Variants in EPB41L1 observed in about 807,000 individuals in gnomAD.
The protein encoded by EPB41L1 is band 4.1-like protein 1.
A neutral mutation model predicts 97.8 loss-of-function variants in EPB41L1; 29 were observed. The observed-to-expected ratio is 0.30, with a 90% confidence interval of 0.22 to 0.40. The LOEUF (loss-of-function observed/expected upper bound fraction) is 0.40. Among genes scored for constraint, EPB41L1 ranks in the 10% least tolerant of loss-of-function variants. EPB41L1 has a pLI of 1.00. For synonymous variants in EPB41L1, 383 were observed against 459.2 expected, an observed-to-expected ratio of 0.83 and a Z score of 2.12; for missense variants, 812 against 1,162.3, an observed-to-expected ratio of 0.70 and a Z score of 4.38.
chr20:36,098,672 T>C (rs1254620371), intron 1 of EPB41L1, among the ~76,000 whole-genome samples: 3 of 152,232 alleles, frequency 2.0e-5, no homozygotes. Flanking sequence ...TGTTTCCAAA[T>C]ATGGTCACAT....
chr20:36,155,747 G>A (rs1600644098), intron 1 of EPB41L1: 1 of 426,214 alleles, frequency 2.3e-6, no homozygotes, highest in East Asian at 7.1e-5. Context: ...TCGGAGCTCT[G>A]AGGATGCATT....
intron 21 of EPB41L1, among the ~76,000 whole-genome samples, chr20:36,227,282 A>C (rs2064218330): frequency 6.6e-6 from 1 of 152,124 alleles, no homozygotes; most frequent in Non-Finnish European, 1.5e-5. Flanking sequence ...GCGCCACTGC[A>C]CTCCAGCCTG....
intron 3 of EPB41L1, 52 bp downstream of exon 3, chr20:36,175,767 G>A: frequency 5.6e-6 from 9 of 1,602,292 alleles, no homozygotes; most frequent in Non-Finnish European, 7.7e-6. Context: ...CCAGCCTCAG[G>A]TCCAGGGCAG....
intron 2 of EPB41L1, among the ~76,000 whole-genome samples, chr20:36,141,522 A>C (rs967799128): frequency 3.3e-5 from 5 of 152,198 alleles, no homozygotes; most frequent in African/African-American, 4.8e-5. Flanking sequence ...AGCAAAGTTC[A>C]AAGCCAGAGA....
intron 1 of EPB41L1, among the ~76,000 whole-genome samples, chr20:36,096,093 G>A (rs2057822642): frequency 6.6e-6 from 1 of 152,032 alleles, no homozygotes; most frequent in Non-Finnish European, 1.5e-5. Context: ...TGATAACTCT[G>A]GAGGTGTGGC....
chr20:36,209,516 AG>A lies in EPB41L1; in HGVS notation c.1698del (p.Val568SerfsTer27). On this transcript the variant is annotated frameshift_variant, in exon 15 of 22. Coordinates refer to ENST00000338074, the MANE Select transcript of EPB41L1 (RefSeq NM_012156.2). The surrounding 1 kb of genome is among the most constrained non-coding windows in gnomAD (Gnocchi z 4.2). ...GCAGGGCTGAGGGAGGGCTCCGAGGAGAAAGTCAAACCACCACGTCCCCGGG... is the reference window on the plus strand; with the variant it reads ...GCAGGGCTGAGGGAGGGCTCCGAGGAAAAGTCAAACCACCACGTCCCCGGG... ...ERAGLREGSE[E>X]KVKPPRPRAP... is the part of the protein sequence containing the mutation. 1 of 1,613,932 alleles carries A rather than the reference AG, an allele frequency of 6.2e-7. No homozygotes were observed. The highest frequency in any genetic ancestry group is 8.5e-7 in the Non-Finnish European group (1 of 1,179,966).
intron 2 of EPB41L1, chr20:36,125,499 G>C (rs756224103): frequency 1.2e-4 from 177 of 1,445,600 alleles, no homozygotes; most frequent in Non-Finnish European, 1.6e-4. Flanking sequence ...TTAGCAGAGA[G>C]CCTAGCACCT....
At chr20:36,113,527 G>A (rs976685748) in intron 2 of EPB41L1, among the ~76,000 whole-genome samples, 2 of 150,336 alleles carry the variant, frequency 1.3e-5, no homozygotes, top group Non-Finnish European at 3.0e-5. Flanking sequence ...GCTGGGACAG[G>A]TAGAATGAAT....
chr20:36,203,984 C>G (rs1227986186), intron 14 of EPB41L1, among the ~76,000 whole-genome samples: 3 of 152,144 alleles, frequency 2.0e-5, no homozygotes, highest in Non-Finnish European at 4.4e-5. Flanking sequence ...TGAAAAGGAG[C>G]CCAAGGTCAT....
At chr20:36,171,310 G>T (rs1357578967) in intron 1 of EPB41L1, among the ~76,000 whole-genome samples, 2 of 152,152 alleles carry the variant, frequency 1.3e-5, no homozygotes. Flanking sequence ...CCCTAGAGCA[G>T]CTCTCATTGC....
rs1393816922 is a variant in EPB41L1 at position 36,232,734 on chromosome 20, T to G, written c.*3394T>G. The stretch of plus-strand genomic sequence containing the variant: ...CCCCACCTCAGTGCTCCGTGCTGTA[T>G]GCGTGTGCTCTCTGTTCTTGTATAC... On this transcript the variant is annotated 3_prime_UTR_variant, in exon 22 of 22. Transcript: ENST00000338074. The G allele has an allele frequency of 2.5e-6, 1 of 399,054 alleles. No individual in the cohort carries two copies. Among genetic ancestry groups the G allele is most frequent in the Non-Finnish European group, 4.4e-6 (1 of 226,154 alleles). 24.7% of individuals were successfully genotyped at this position (399,054 alleles called of 1,614,324 possible).
rs1438641043 is a variant in EPB41L1, at chr20:36,092,348, C to T, written c.-65+736C>T. Among the ~76,000 whole-genome samples, 1 of 152,168 alleles carries T rather than the reference C, an allele frequency of 6.6e-6. No individual in the cohort carries two copies. Among genetic ancestry groups the T allele is most frequent in the African/African-American group, 2.4e-5 (1 of 41,454 alleles). ...GGTCTGCTCCTCTTCTTCGCCCGGC[C>T]TCTGAGCCCGCCGCAGCTCAGGTTG... On this transcript the variant is annotated intron_variant, in intron 1 of 19. Coordinates refer to the EPB41L1 transcript ENST00000202028. The surrounding 1 kb of genome is among the most constrained non-coding windows in gnomAD (Gnocchi z 7.0).
At chr20:36,091,508 AT>A (rs2057666450) in exon 1 of EPB41L1, 1 of 152,236 alleles carries the variant, frequency 6.6e-6, no homozygotes, top group African/African-American at 2.4e-5. Flanking sequence ...AAGAACCAGA[AT>A]TGTTGGGCTT....
At chr20:36,145,501 G>T (rs1478490678) in intron 2 of EPB41L1, among the ~76,000 whole-genome samples, 2 of 151,848 alleles carry the variant, frequency 1.3e-5, no homozygotes, top group Non-Finnish European at 2.9e-5. Context: ...AGAGGGAAAA[G>T]AAGTGGTGAC....
At chr20:36,200,629 T>G (rs942314951) in intron 14 of EPB41L1, among the ~76,000 whole-genome samples, 13 of 152,336 alleles carry the variant, frequency 8.5e-5, no homozygotes, top group Admixed American at 7.2e-4. Flanking sequence ...TGGGGCTGAC[T>G]GTGGGCCTCC....
At chr20:36,172,899 G>A (rs981551197) in intron 1 of EPB41L1, among the ~76,000 whole-genome samples, 1 of 152,128 alleles carries the variant, frequency 6.6e-6, no homozygotes, top group Non-Finnish European at 1.5e-5. Flanking sequence ...CGCGCCTGGC[G>A]TGTTTTGTTT....
At chr20:36,204,774 T>C (rs2062709002) in intron 14 of EPB41L1, among the ~76,000 whole-genome samples, 1 of 152,104 alleles carries the variant, frequency 6.6e-6, no homozygotes. Context: ...CCCAAGTAGC[T>C]GGGATTACAG....
rs77396561 is a variant in EPB41L1, at chr20:36,190,742, C to T, written c.1245C>T (p.Pro415=). The T allele has an allele frequency of 1.1e-3, 1,814 of 1,614,218 alleles. 5 individuals are homozygous for T. The Middle Eastern group carries it at 0.013, about 12-fold the overall frequency. ...GCGCCCTCATTGACCGGCCTGCACC[C>T]TTCTTTGAGCGTTCTTCCAGCAAAC... ...QASALIDRPA[P]FFERSSSKRY... The change falls in exon 11 of 22, where the codon CCC becomes CCT. Residue 415 remains proline (P), a synonymous_variant. Coordinates refer to ENST00000338074, the MANE Select transcript of EPB41L1 (RefSeq NM_012156.2). The surrounding 1 kb of genome is among the most constrained non-coding windows in gnomAD (Gnocchi z 5.8).
At chr20:36,115,737 C>T (rs1413175291) in intron 2 of EPB41L1, among the ~76,000 whole-genome samples, 1 of 152,048 alleles carries the variant, frequency 6.6e-6, no homozygotes, top group Non-Finnish European at 1.5e-5. Flanking sequence ...ACTAAAAATA[C>T]AAAAATTAGC....
Sources: gnomAD v4.1 joint callset for allele counts (sites outside exome capture counted in the v4.1 genomes callset) on GRCh38, gnomAD v4.1.1 for gene constraint, Gnocchi (gnomAD v3.1) non-coding constraint, MANE v1.5 for transcripts, NCBI Gene and HGNC (gene_info 2026-07-23, HGNC 2026-07-21) for gene names.